MSRA: variants seen among roughly 807,000 people sequenced by gnomAD.
MSRA encodes the protein mitochondrial peptide methionine sulfoxide reductase.
In MSRA, 54 loss-of-function variants were observed where a neutral mutation model predicts 31.3. The observed-to-expected ratio is 1.73, with a 90% CI of 1.39 to 2.17. MSRA has a LOEUF of 2.17. Among genes scored for constraint, MSRA ranks in the 30% most tolerant of loss-of-function variants. The probability of loss-of-function intolerance (pLI) is 0.00; values close to 1 mark genes in which losing one functional copy is unlikely to be tolerated. For synonymous variants in MSRA, 169 were observed against 116.5 expected (o/e 1.45, Z -2.90); for missense variants, 507 against 300.9 (o/e 1.69, Z -5.07).
intron 3 of MSRA, among the ~76,000 whole-genome samples, chr8:10,283,836 T>TATATATATACACACACACACAC (rs1261287031): frequency 3.6e-4 from 19 of 53,152 alleles, no homozygotes; most frequent in South Asian, 2.0e-3. Flanking sequence ...TATATATATA[T>TATATATATACACACACACACAC]ACACACACAC....
At chr8:10,202,733 CCTAA>C (rs1808612796) in intron 1 of MSRA, among the ~76,000 whole-genome samples, 1 of 152,166 alleles carries the variant, frequency 6.6e-6, no homozygotes, top group Non-Finnish European at 1.5e-5. Context: ...ATAATACCAG[CCTAA>C]CTGTTATATA....
chr8:10,253,228 T>A (rs900496599), intron 3 of MSRA, among the ~76,000 whole-genome samples: 3 of 152,240 alleles, frequency 2.0e-5, no homozygotes, highest in African/African-American at 7.2e-5. Flanking sequence ...CAGGGTCTGT[T>A]CTTTGTCATT....
At chr8:10,330,528 T>C (rs1802634820) in intron 5 of MSRA, among the ~76,000 whole-genome samples, 1 of 152,368 alleles carries the variant, frequency 6.6e-6, no homozygotes, top group African/African-American at 2.4e-5. Context: ...ATATTAATTA[T>C]GTACAGATTC....
chr8:10,075,447 A>G (rs1797954372), intron 1 of MSRA, among the ~76,000 whole-genome samples: 2 of 152,190 alleles, frequency 1.3e-5, no homozygotes, highest in Non-Finnish European at 2.9e-5. Context: ...CCAGTGGCTG[A>G]CTTTCCAAGC....
intron 1 of MSRA, among the ~76,000 whole-genome samples, chr8:10,184,310 C>T (rs1806828894): frequency 6.6e-6 from 1 of 151,786 alleles, no homozygotes; most frequent in African/African-American, 2.4e-5. Context: ...CTTAAATAAT[C>T]CCCACTCTTA....
At chr8:10,098,135 C>G (rs1799299099) in intron 1 of MSRA, among the ~76,000 whole-genome samples, 1 of 152,060 alleles carries the variant, frequency 6.6e-6, no homozygotes, top group African/African-American at 2.4e-5. Flanking sequence ...ACCTTTTGTA[C>G]TACAAACACA....
intron 3 of MSRA, among the ~76,000 whole-genome samples, chr8:10,289,841 A>G (rs1800137681): frequency 2.0e-5 from 3 of 152,214 alleles, no homozygotes; most frequent in Non-Finnish European, 4.4e-5. Context: ...GTACTAACAT[A>G]GATCCTAAAC....
At chr8:10,370,140 A>C (rs148595820) in intron 5 of MSRA, among the ~76,000 whole-genome samples, 2 of 152,204 alleles carry the variant, frequency 1.3e-5, no homozygotes, top group Non-Finnish European at 2.9e-5. Context: ...ATGCTTCCAC[A>C]TGTCATTTTC....
At chr8:10,134,656 A>G (rs1174689942) in intron 1 of MSRA, among the ~76,000 whole-genome samples, 1 of 152,212 alleles carries the variant, frequency 6.6e-6, no homozygotes, top group African/African-American at 2.4e-5. Context: ...CACGCCTCGT[A>G]TCAGAACTCG....
chr8:10,389,015 G>A (rs1242900723), intron 5 of MSRA, among the ~76,000 whole-genome samples: 1 of 152,104 alleles, frequency 6.6e-6, no homozygotes, highest in African/African-American at 2.4e-5. Context: ...TTTATGCCTA[G>A]TGTTCCATTA....
At chr8:10,363,850 T>C (rs370801455) in intron 5 of MSRA, among the ~76,000 whole-genome samples, 1 of 151,390 alleles carries the variant, frequency 6.6e-6, no homozygotes, top group Non-Finnish European at 1.5e-5. Context: ...GAGGATGACT[T>C]GAGTCTGGGA....
intron 5 of MSRA, among the ~76,000 whole-genome samples, chr8:10,334,611 A>G (rs1215467494): frequency 6.6e-6 from 1 of 152,114 alleles, no homozygotes; most frequent in Non-Finnish European, 1.5e-5. Flanking sequence ...GCCCGCTTGC[A>G]TTTCCGCCAC....
chr8:10,318,738 T>C (rs150200341), intron 4 of MSRA, among the ~76,000 whole-genome samples: 2 of 152,196 alleles, frequency 1.3e-5, no homozygotes, highest in Non-Finnish European at 2.9e-5. Flanking sequence ...TTCTTTCTTC[T>C]AGGTTTTCAG....
chr8:10,422,187 G>C (rs1213185160), intron 5 of MSRA, among the ~76,000 whole-genome samples: 1 of 152,202 alleles, frequency 6.6e-6, no homozygotes, highest in East Asian at 1.9e-4. Flanking sequence ...TGGAGGGGCT[G>C]AGGTACAAGG....
intron 5 of MSRA, among the ~76,000 whole-genome samples, chr8:10,404,959 G>A (rs1327510807): frequency 6.6e-6 from 1 of 152,194 alleles, no homozygotes; most frequent in South Asian, 2.1e-4. Flanking sequence ...CAGAACCCAC[G>A]ATGGCCGAGC....
At chr8:10,425,372 G>A (rs1162209278) in intron 5 of MSRA, among the ~76,000 whole-genome samples, 1 of 152,214 alleles carries the variant, frequency 6.6e-6, no homozygotes, top group Admixed American at 6.5e-5. Context: ...TGGTACTGCC[G>A]AGGCCCACCG....
intron 1 of MSRA, among the ~76,000 whole-genome samples, chr8:10,120,524 T>C (rs897779247): frequency 6.6e-6 from 1 of 152,222 alleles, no homozygotes; most frequent in Non-Finnish European, 1.5e-5. Context: ...TTTTGGATTC[T>C]TATGTTTTAT....
chr8:10,304,475 C>A (rs559576805), intron 4 of MSRA, among the ~76,000 whole-genome samples: 2 of 152,258 alleles, frequency 1.3e-5, no homozygotes, highest in South Asian at 4.1e-4. Context: ...AATAACCAAC[C>A]CTTAAGTTCA....
At chr8:10,293,451 C>T (rs140454654) in intron 3 of MSRA, among the ~76,000 whole-genome samples, 8 of 152,294 alleles carry the variant, frequency 5.3e-5, no homozygotes, top group East Asian at 3.9e-4. Context: ...ACTGCTCAGG[C>T]GTGACTGCTT....
Sources: allele counts gnomAD v4.1 joint callset (sites outside exome capture counted in the v4.1 genomes callset), GRCh38; gene constraint gnomAD v4.1.1; transcripts MANE v1.5; gene names NCBI Gene and HGNC (gene_info 2026-07-23, HGNC 2026-07-21).